Variants in GOLGA3 observed in about 807,000 individuals in gnomAD.
GOLGA3 encodes the protein golgin subfamily A member 3.
In GOLGA3, 75 loss-of-function variants were observed where a neutral mutation model predicts 169.4. The ratio of observed to expected loss-of-function variants is 0.44; its 90% CI spans 0.37 to 0.54. The LOEUF is 0.54. Ranked by LOEUF, GOLGA3 falls within the 20% of genes least tolerant of loss-of-function variation. The pLI is 0.00. For synonymous variants in GOLGA3, 824 were observed against 822.4 expected (o/e 1.00, Z -0.03); for missense variants, 1,899 against 1,930.0 (o/e 0.98, Z 0.30).
intron 8 of GOLGA3, among the ~76,000 whole-genome samples, chr12:132,798,831 C>A (rs1328780671): frequency 6.6e-6 from 1 of 152,214 alleles, no homozygotes; most frequent in Non-Finnish European, 1.5e-5. Flanking sequence ...GGAGGCTTAT[C>A]TTAACTGAAC....
chr12:132,778,721 C>G (rs2045382963), intron 18 of GOLGA3, among the ~76,000 whole-genome samples: 1 of 151,560 alleles, frequency 6.6e-6, no homozygotes, highest in Non-Finnish European at 1.5e-5. Flanking sequence ...ATGGTGAAAC[C>G]CCATCTCTAC....
At position 132,776,941 on chromosome 12, in the gene GOLGA3, C is replaced by A. The variant is rs748044020; in HGVS notation, c.3855+17G>T. On this transcript the variant is annotated intron_variant, in intron 20 of 23. Transcript: ENST00000450791. ...CGTGAGTCCAGCCCTGCAAGTCCAG[C>A]CCCCGTGAACCGTCACCTCTTGGTT... 1 of 1,563,464 alleles carries A rather than the reference C, an allele frequency of 6.4e-7. No individual in the cohort carries two copies.
chr12:132,799,587 C>T (rs939016808), intron 8 of GOLGA3, among the ~76,000 whole-genome samples: 4 of 152,186 alleles, frequency 2.6e-5, no homozygotes, highest in African/African-American at 9.6e-5. Context: ...CTGCAGGGAG[C>T]TATGATGGTA....
intron 7 of GOLGA3, among the ~76,000 whole-genome samples, chr12:132,802,916 G>A (rs561373549): frequency 1.3e-5 from 2 of 152,222 alleles, no homozygotes; most frequent in East Asian, 1.9e-4. Context: ...TTAGCCGGGC[G>A]CGGTGGCAGA....
chr12:132,795,185 CAAAAAAA>C (rs56353207), intron 11 of GOLGA3, among the ~76,000 whole-genome samples: 6 of 127,838 alleles, frequency 4.7e-5, no homozygotes, highest in African/African-American at 1.8e-4. Context: ...GACTCCATCT[CAAAAAAA>C]AAAAAAAAGA....
chr12:132,816,913 A>T (rs2136708146), intron 2 of GOLGA3, 101 bp from the exon 3 acceptor site: 2 of 1,056,120 alleles, frequency 1.9e-6, no homozygotes, highest in East Asian at 5.2e-5. Context: ...ATCCAGACTC[A>T]TGAGCACGGC....
chr12:132,818,966 C>A (rs1234457119), intron 2 of GOLGA3, among the ~76,000 whole-genome samples: 4 of 151,704 alleles, frequency 2.6e-5, no homozygotes, highest in Admixed American at 2.6e-4. Context: ...AAACATATTT[C>A]CTCATCAAAT....
chr12:132,786,816 C>T (rs779301517), intron 13 of GOLGA3, 29 bp from the exon 14 acceptor site: 6 of 1,437,640 alleles, frequency 4.2e-6, no homozygotes, highest in South Asian at 1.1e-5. Context: ...GCGTGAGGAG[C>T]GGCACTGCCA....
chr12:132,815,285 C>T (rs979085144), intron 3 of GOLGA3, among the ~76,000 whole-genome samples: 6 of 152,124 alleles, frequency 3.9e-5, no homozygotes, highest in African/African-American at 1.2e-4. Flanking sequence ...CAAACACTGA[C>T]GCAGGAGATA....
intron 2 of GOLGA3, 143 bp downstream of exon 2, chr12:132,821,853 C>CAAAAA (rs11301977): frequency 7.6e-6 from 3 of 393,782 alleles, no homozygotes; most frequent in South Asian, 3.7e-5. Context: ...GACTCCGTCT[C>CAAAAA]AAAAAAAAAA....
chr12:132,798,918 T>C (rs10747085), intron 8 of GOLGA3, among the ~76,000 whole-genome samples: 147,981 of 152,322 alleles, frequency 0.97, 72,041 homozygotes, highest in East Asian at 1. Context: ...TACAGCCTTT[T>C]CAGCCAGCTA....
intron 1 of GOLGA3, chr12:132,826,293 G>A (rs1950414522): frequency 1.2e-6 from 1 of 855,414 alleles, no homozygotes; most frequent in Non-Finnish European, 1.8e-6. Context: ...CCACGGCCCA[G>A]ACAGGCACCA....
At chr12:132,792,492 G>A (rs375230844) in intron 11 of GOLGA3, among the ~76,000 whole-genome samples, 2 of 152,350 alleles carry the variant, frequency 1.3e-5, no homozygotes, top group African/African-American at 4.8e-5. Context: ...GTCCTGCAAA[G>A]TCTGTTGGAG....
intron 16 of GOLGA3, among the ~76,000 whole-genome samples, chr12:132,782,936 T>C (rs1244629776): frequency 1.4e-5 from 2 of 147,702 alleles, no homozygotes; most frequent in Non-Finnish European, 3.0e-5. Context: ...AACACAGCAA[T>C]GGGCTGGACG....
intron 18 of GOLGA3, among the ~76,000 whole-genome samples, chr12:132,779,570 C>A (rs1051097380): frequency 6.6e-6 from 1 of 152,174 alleles, no homozygotes; most frequent in African/African-American, 2.4e-5. Context: ...AATTGTGAAG[C>A]AATTACTTTT....
intron 11 of GOLGA3, 128 bp downstream of exon 11, chr12:132,795,724 G>GCA: frequency 9.8e-7 from 1 of 1,018,688 alleles, no homozygotes; most frequent in Non-Finnish European, 1.4e-6. Flanking sequence ...TCATCCCACT[G>GCA]CACTCCAGCC....
rs1388910687 is a variant in GOLGA3, at chr12:132,769,846, C to G, written c.*3259G>C. 6.6e-6 allele frequency: 1 copy of G among 152,170 alleles called. No individual in the cohort carries two copies. Among genetic ancestry groups the G allele is most frequent in the African/African-American group, 2.4e-5 (1 of 41,436 alleles). The allele number at this position is 152,170 out of a possible 1,614,324, so 9.4% of individuals were successfully genotyped here. A position where few individuals can be genotyped will look rare whatever the true frequency, so the allele number is the denominator to read the frequency against. ...TTCTGCCCACAAGAACAAAATAATT[C>G]AAACTTTATGCACTGAAGTAACTCT... On this transcript the variant is annotated 3_prime_UTR_variant, in exon 24 of 24. Coordinates refer to ENST00000450791, the MANE Select transcript of GOLGA3 (RefSeq NM_001389683.1).
chr12:132,787,926 CG>C (rs1349429219), intron 13 of GOLGA3, among the ~76,000 whole-genome samples: 2 of 91,050 alleles, frequency 2.2e-5, no homozygotes, highest in African/African-American at 8.5e-5. Flanking sequence ...GGACCCCCCC[CG>C]GATGCCCTCC....
At chr12:132,820,873 G>A (rs1010682514) in intron 2 of GOLGA3, among the ~76,000 whole-genome samples, 23 of 152,090 alleles carry the variant, frequency 1.5e-4, no homozygotes, top group Non-Finnish European at 3.2e-4. Context: ...GCTGAGGTGG[G>A]TGGATCATTT....
Sources: gnomAD v4.1 joint callset for allele counts (sites outside exome capture counted in the v4.1 genomes callset) on GRCh38, gnomAD v4.1.1 for gene constraint, MANE v1.5 for transcripts, NCBI Gene and HGNC (gene_info 2026-07-23, HGNC 2026-07-21) for gene names.